DOCK8: variants seen among roughly 807,000 people sequenced by gnomAD.
DOCK8 encodes the protein dedicator of cytokinesis protein 8.
Under a neutral mutation model 245.6 loss-of-function variants are expected in DOCK8, and 141 were observed. The observed-to-expected ratio is 0.57, with a 90% confidence interval of 0.50 to 0.66. The LOEUF is 0.66. Ranked by LOEUF, DOCK8 falls within the 30% of genes least tolerant of loss-of-function variation. The pLI, the probability that DOCK8 is intolerant of heterozygous loss-of-function variation, is 0.00. For synonymous variants in DOCK8, 1,168 were observed against 970.2 expected, an observed-to-expected ratio of 1.20 and a Z score of -3.79; for missense variants, 2,965 against 2,603.4, an observed-to-expected ratio of 1.14 and a Z score of -3.02.
At chr9:282,417 T>TG (rs1031219652) in intron 2 of DOCK8, among the ~76,000 whole-genome samples, 7 of 150,742 alleles carry the variant, frequency 4.6e-5, no homozygotes, top group African/African-American at 1.5e-4. Flanking sequence ...CGTTTTGTTT[T>TG]TTTTTTTTTT....
rs1001203589 is a variant in DOCK8 at position 286,635 on chromosome 9, G to C, written c.331G>C (p.Gly111Arg). The C allele has an allele frequency of 6.2e-7, 1 of 1,613,692 alleles. No individual in the cohort carries two copies. The highest frequency in any genetic ancestry group is 1.3e-5 in the African/African-American group (1 of 75,008). ...RTLQPSLPEE[G>R]VELDPHVRDC... ...TTTGCAGCCCTCTTTGCCGGAGGAA[G>C]GGTAAATAGTTTTCTAAAATGTAGA... Residue 111 changes from glycine to arginine, a missense_variant and splice_region_variant, in exon 3 of 48, where the codon GGG becomes CGG. By Grantham distance (125) the Gly-to-Arg change is moderately radical. This residue lies in a region of DOCK8 where 2,825 missense variants were observed against 2,453.5 expected (regional missense o/e 1.15). Transcript: ENST00000432829.
rs769579968 is a variant in DOCK8, at chr9:420,980, A to T, written c.4055A>T (p.Gln1352Leu). The change falls in exon 32 of 48, where the codon CAA (glutamine) becomes CTA (leucine). Residue 1352 changes from glutamine (Q) to leucine (L), a missense_variant. Coordinates refer to ENST00000432829, the MANE Select transcript of DOCK8 (RefSeq NM_203447.4). ...CAGAGTTCTGACAAAGTCAGTACCC[A>T]AGTCCTGCAGAAGTCAAGGGATGTC... ...GKQSSDKVST[Q>L]VLQKSRDVKA... 6 of 1,614,076 alleles carry T rather than the reference A, an allele frequency of 3.7e-6. No individual in the cohort carries two copies. Among genetic ancestry groups the T allele is most frequent in the African/African-American group, 1.3e-5 (1 of 74,932 alleles).
At chr9:402,153 C>G (rs933464677) in intron 26 of DOCK8, among the ~76,000 whole-genome samples, 1 of 152,232 alleles carries the variant, frequency 6.6e-6, no homozygotes, top group Admixed American at 6.5e-5. Flanking sequence ...TAAGGCAACC[C>G]AAGGTAGATA....
chr9:271,765 C>A, intron 2 of DOCK8, 36 bp downstream of exon 2: 1 of 1,481,188 alleles, frequency 6.8e-7, no homozygotes, highest in Non-Finnish European at 9.2e-7. Context: ...AGCGATTGGT[C>A]AAGTGCAAAA....
Position 289,541 on chromosome 9 carries a change from G to C in DOCK8, c.364G>C (p.Val122Leu). 6.2e-7 allele frequency: 1 copy of C among 1,613,386 alleles called. No homozygotes were observed. The highest frequency in any genetic ancestry group is 8.5e-7 in the Non-Finnish European group (1 of 1,179,578). Residue 122 changes from valine (V) to leucine (L), a missense_variant, in exon 4 of 48, where the codon GTT (valine) becomes CTT (leucine). Transcript: ENST00000432829. ...VELDPHVRDC[V>L]QTYIREWLIV... is the part of the protein sequence containing the mutation. ...ACTGGACCCTCATGTCAGGGACTGT[G>C]TTCAGACCTACATCCGTGAGTGGCT...
chr9:304,375 C>G (rs2049708353), intron 4 of DOCK8, among the ~76,000 whole-genome samples: 1 of 152,112 alleles, frequency 6.6e-6, no homozygotes, highest in Non-Finnish European at 1.5e-5. Context: ...AATGAGCCAG[C>G]CAGGGGGTAA....
rs746479260 is a variant in DOCK8, at chr9:414,814, C to G, written c.3563C>G (p.Ala1188Gly). 5 of 1,614,158 alleles carry G rather than the reference C, an allele frequency of 3.1e-6. No homozygotes were observed. The highest frequency in any genetic ancestry group is 3.3e-5 in the Admixed American group (2 of 60,022). ...AAAGTACAAAGGAAAGCTGTCAGTG[C>G]AATTCACAGCCTGCTAAGTTCTCAC... ...ISKVQRKAVS[A>G]IHSLLSSHDL... The change falls in exon 29 of 48, where the codon GCA becomes GGA. Residue 1188 changes from alanine (A) to glycine (G), a missense_variant. By Grantham distance (60) the Ala-to-Gly change is moderately conservative. Around this residue, in one of 3 missense-constraint regions of DOCK8, gnomAD observed 2,825 missense variants for 2,453.5 expected, o/e 1.15. Coordinates refer to ENST00000432829, the MANE Select transcript of DOCK8 (RefSeq NM_203447.4).
intron 2 of DOCK8, among the ~76,000 whole-genome samples, chr9:283,392 C>T (rs371503231): frequency 6.6e-6 from 1 of 152,304 alleles, no homozygotes; most frequent in East Asian, 1.9e-4. Flanking sequence ...GTTTCATACA[C>T]ACAATACTTT....
At chr9:413,093 A>G (rs897850147) in intron 28 of DOCK8, among the ~76,000 whole-genome samples, 1 of 152,170 alleles carries the variant, frequency 6.6e-6, no homozygotes, top group Non-Finnish European at 1.5e-5. Context: ...TTAAGAGTCC[A>G]AAAATAAATC....
intron 1 of DOCK8, among the ~76,000 whole-genome samples, chr9:236,919 G>C (rs1469342370): frequency 6.6e-6 from 1 of 152,152 alleles, no homozygotes; most frequent in Non-Finnish European, 1.5e-5. Flanking sequence ...CTCAACACTG[G>C]GACACATAGC....
intron 1 of DOCK8, among the ~76,000 whole-genome samples, chr9:237,138 A>G (rs1453474800): frequency 6.6e-6 from 1 of 152,262 alleles, no homozygotes; most frequent in Non-Finnish European, 1.5e-5. Flanking sequence ...AAAATGTTCC[A>G]TAAACAATGT....
chr9:260,719 G>C (rs1020281139), intron 1 of DOCK8, among the ~76,000 whole-genome samples: 5 of 152,102 alleles, frequency 3.3e-5, no homozygotes, highest in African/African-American at 1.2e-4. Context: ...TTTTATAGTA[G>C]AATACATATG....
At chr9:455,155 C>G (rs2057595813) in intron 46 of DOCK8, among the ~76,000 whole-genome samples, 1 of 152,202 alleles carries the variant, frequency 6.6e-6, no homozygotes, top group Admixed American at 6.5e-5. Flanking sequence ...ACTGTCCATG[C>G]TTCCCAGACT....
chr9:434,721 T>G, intron 38 of DOCK8, 62 bp from the exon 39 acceptor site: 1 of 1,564,754 alleles, frequency 6.4e-7, no homozygotes, highest in Non-Finnish European at 8.8e-7. Flanking sequence ...TCACACAAAG[T>G]AGAAGAACAG....
Position 258,216 on chromosome 9 carries a change from G to A in DOCK8, c.54-13411G>A, listed in dbSNP as rs558373623. On this transcript the variant is annotated intron_variant, in intron 1 of 47. Coordinates refer to ENST00000432829, the MANE Select transcript of DOCK8 (RefSeq NM_203447.4). ...GCAATCAGCTTGAATAGCAGAGGCTGGAAGGCTCTCCATGTCTTTACTGAA... is the reference window on the plus strand; with the variant it reads ...GCAATCAGCTTGAATAGCAGAGGCTAGAAGGCTCTCCATGTCTTTACTGAA... Among the ~76,000 whole-genome samples the A allele has an allele frequency of 1.5e-3, 231 of 152,334 alleles. 2 individuals are homozygous for A. The highest frequency in any genetic ancestry group is 5.5e-3 in the African/African-American group (227 of 41,592).
At chr9:367,386 G>A (rs1324495204) in intron 14 of DOCK8, among the ~76,000 whole-genome samples, 1 of 152,112 alleles carries the variant, frequency 6.6e-6, no homozygotes, top group African/African-American at 2.4e-5. Context: ...ACACTGTAGT[G>A]GAATCTACTA....
At chr9:330,087 G>A (rs750427872) in intron 9 of DOCK8, among the ~76,000 whole-genome samples, 7 of 152,070 alleles carry the variant, frequency 4.6e-5, no homozygotes, top group Admixed American at 2.6e-4. Context: ...TTCCCAGGCC[G>A]AACATCAGGG....
intron 14 of DOCK8, among the ~76,000 whole-genome samples, chr9:358,220 G>A (rs1187930924): frequency 6.6e-6 from 1 of 152,066 alleles, no homozygotes; most frequent in African/African-American, 2.4e-5. Flanking sequence ...GAGTAGCTGG[G>A]ATTACAGGCA....
intron 14 of DOCK8, among the ~76,000 whole-genome samples, chr9:344,115 C>T (rs542108945): frequency 1.7e-4 from 26 of 152,140 alleles, no homozygotes; most frequent in Admixed American, 8.5e-4. Flanking sequence ...GTAGAAGTGC[C>T]AAGGACACCC....
Sources: allele counts gnomAD v4.1 joint callset (sites outside exome capture counted in the v4.1 genomes callset), GRCh38; gene constraint gnomAD v4.1.1; regional missense constraint gnomAD v4.1.1; transcripts MANE v1.5; gene names NCBI Gene and HGNC (gene_info 2026-07-23, HGNC 2026-07-21).